Variants in UBE2W observed in about 807,000 individuals in gnomAD.
The protein encoded by UBE2W is ubiquitin conjugating enzyme E2 W.
A neutral mutation model predicts 27.2 loss-of-function variants in UBE2W; 18 were observed. The observed-to-expected ratio is 0.66, with a 90% CI of 0.46 to 0.98. The LOEUF is 0.98. Ranked by LOEUF, UBE2W falls within the 50% of genes least tolerant of loss-of-function variation. The pLI is 0.00. For synonymous variants in UBE2W, 53 were observed against 57.2 expected, an observed-to-expected ratio of 0.93 and a Z score of 0.33; for missense variants, 90 against 180.2, an observed-to-expected ratio of 0.50 and a Z score of 2.87.
chr8:73,841,639 T>C (rs766905960), intron 1 of UBE2W, among the ~76,000 whole-genome samples: 9 of 152,154 alleles, frequency 5.9e-5, no homozygotes, highest in Non-Finnish European at 1.2e-4. Context: ...AGGAAGAATA[T>C]GTTTCAAGGA....
At chr8:73,816,915 T>C (rs1809411725) in intron 3 of UBE2W, among the ~76,000 whole-genome samples, 1 of 151,908 alleles carries the variant, frequency 6.6e-6, no homozygotes, top group Non-Finnish European at 1.5e-5. Context: ...GCGCCTGTAA[T>C]CCCAGCTACT....
chr8:73,872,467 T>G (rs1394587911), intron 1 of UBE2W, among the ~76,000 whole-genome samples: 5 of 152,248 alleles, frequency 3.3e-5, no homozygotes, highest in Non-Finnish European at 2.9e-5. Context: ...GTAATGTTCT[T>G]CATAGTATCT....
In UBE2W at chr8:73,791,943, G is replaced by T; in HGVS notation, c.*2159C>A. ...ATATGACCTATTACTCTATAGTATA[G>T]CATTGTTAATCTTTGACTCAGTATA... On this transcript the variant is annotated 3_prime_UTR_variant, in exon 6 of 6. Coordinates refer to ENST00000602593, the MANE Select transcript of UBE2W (RefSeq NM_018299.6). 2 of 985,072 alleles carry T rather than the reference G, an allele frequency of 2.0e-6. No individual in the cohort carries two copies. The highest frequency in any genetic ancestry group is 9.4e-5 in the South Asian group (2 of 21,288). 61.0% of individuals were successfully genotyped at this position (985,072 alleles called of 1,614,324 possible). A position where few individuals can be genotyped will look rare whatever the true frequency, so the allele number is the denominator to read the frequency against.
intron 1 of UBE2W, among the ~76,000 whole-genome samples, chr8:73,855,179 T>G (rs550760877): frequency 6.6e-6 from 1 of 152,170 alleles, no homozygotes; most frequent in Non-Finnish European, 1.5e-5. Context: ...TTTGCAGTAT[T>G]GCACTAAAAC....
rs1448820993 is a variant in UBE2W, at chr8:73,793,142, C to G, written c.*960G>C. ...ACAAGATTGCAAACAAAAATGTTTA[C>G]GGGGTTTCCAAACATAAATAAATGA... On this transcript the variant is annotated 3_prime_UTR_variant, in exon 6 of 6. Transcript: ENST00000602593. The G allele has an allele frequency of 1.0e-6, 1 of 985,582 alleles. No individual in the cohort carries two copies. The highest frequency in any genetic ancestry group is 4.7e-5 in the South Asian group (1 of 21,292). The allele number at this position is 985,582 out of a possible 1,614,324, so 61.1% of individuals were successfully genotyped here.
rs550028899 is a variant in UBE2W at position 73,794,194 on chromosome 8, A to C, written c.443-79T>G. Reference sequence around the variant, plus strand: ...TTCTACAAGTCTGTTTAATGTAGAAATAATTTCAATTAGCAAGAAGTACAT... The same window carrying C: ...TTCTACAAGTCTGTTTAATGTAGAACTAATTTCAATTAGCAAGAAGTACAT... On this transcript the variant is annotated intron_variant, in intron 5 of 5. Coordinates refer to ENST00000602593, the MANE Select transcript of UBE2W (RefSeq NM_018299.6). 1.1e-5 allele frequency: 16 copies of C among 1,518,270 alleles called. No homozygotes were observed. The South Asian group carries it at 1.7e-4, about 16-fold the overall frequency. 94.0% of individuals were successfully genotyped at this position (1,518,270 alleles called of 1,614,324 possible). A position where few individuals can be genotyped will look rare whatever the true frequency, so the allele number is the denominator to read the frequency against.
intron 1 of UBE2W, among the ~76,000 whole-genome samples, chr8:73,858,325 C>A (rs1364951857): frequency 7.7e-5 from 11 of 142,158 alleles, no homozygotes; most frequent in Non-Finnish European, 1.7e-4. Flanking sequence ...TATGTCATTG[C>A]ACTCCAGCCT....
chr8:73,848,204 GTAAA>G (rs1161054554), intron 1 of UBE2W, among the ~76,000 whole-genome samples: 86 of 151,926 alleles, frequency 5.7e-4, no homozygotes, highest in African/African-American at 1.8e-3. Context: ...AAATAAATAA[GTAAA>G]TAAATAAATA....
downstream of UBE2W, among the ~76,000 whole-genome samples, chr8:73,784,068 C>T (rs984992318): frequency 1.3e-5 from 2 of 152,032 alleles, no homozygotes; most frequent in African/African-American, 4.8e-5. Context: ...GGTTTTTTAC[C>T]ACTCTAATTC....
chr8:73,876,043 C>T (rs2131003395), intron 1 of UBE2W, among the ~76,000 whole-genome samples: 1 of 152,202 alleles, frequency 6.6e-6, no homozygotes, highest in South Asian at 2.1e-4. Context: ...CACAGCGAGA[C>T]TCCATCTCAA....
intron 1 of UBE2W, among the ~76,000 whole-genome samples, chr8:73,833,183 T>TAA (rs1810155009): frequency 2.7e-5 from 1 of 37,578 alleles, no homozygotes; most frequent in Non-Finnish European, 4.5e-5. Flanking sequence ...AGACTCCACC[T>TAA]CAAAAAAAAA....
intron 1 of UBE2W, among the ~76,000 whole-genome samples, chr8:73,845,082 A>C: frequency 7.1e-6 from 1 of 140,850 alleles, no homozygotes; most frequent in Non-Finnish European, 1.5e-5. Flanking sequence ...CAGCTGCACC[A>C]TCTGGGAGGT....
intron 4 of UBE2W, among the ~76,000 whole-genome samples, chr8:73,807,116 G>T (rs1179129472): frequency 2.6e-5 from 4 of 152,186 alleles, no homozygotes; most frequent in Non-Finnish European, 4.4e-5. Flanking sequence ...CTATATTAAA[G>T]TTTATAGATA....
intron 5 of UBE2W, among the ~76,000 whole-genome samples, chr8:73,802,507 T>C (rs1376265524): frequency 6.6e-6 from 1 of 152,244 alleles, no homozygotes; most frequent in Non-Finnish European, 1.5e-5. Flanking sequence ...GAATGTTTAA[T>C]TTCTTTGTGA....
At chr8:73,784,335 T>C (rs1394166064), downstream of UBE2W, among the ~76,000 whole-genome samples, 1 of 152,178 alleles carries the variant, frequency 6.6e-6, no homozygotes, top group Non-Finnish European at 1.5e-5. Context: ...CTGATCATAG[T>C]TCCTTGAGAC....
In UBE2W at chr8:73,790,139, G is replaced by A. The variant is rs892581327; in HGVS notation, c.*3963C>T. The A allele has an allele frequency of 2.0e-6, 2 of 984,634 alleles. No individual in the cohort carries two copies. Among genetic ancestry groups the A allele is most frequent in the Admixed American group, 6.2e-5 (1 of 16,216 alleles). The allele number at this position is 984,634 out of a possible 1,614,324, so 61.0% of individuals were successfully genotyped here. A position where few individuals can be genotyped will look rare whatever the true frequency, so the allele number is the denominator to read the frequency against. ...CATTTTAAATTTTTCAAAAATTCAT[G>A]GCATAATTTTAATAATCGTCCTTCT... On this transcript the variant is annotated 3_prime_UTR_variant, in exon 6 of 6. Transcript: ENST00000602593.
At chr8:73,850,742 A>AC (rs1340673562) in intron 1 of UBE2W, among the ~76,000 whole-genome samples, 1 of 150,920 alleles carries the variant, frequency 6.6e-6, no homozygotes, top group Non-Finnish European at 1.5e-5. Flanking sequence ...AAAAAAAAAA[A>AC]AAAAAAAACA....
intron 5 of UBE2W, among the ~76,000 whole-genome samples, chr8:73,794,365 A>C (rs1377345893): frequency 6.6e-6 from 1 of 152,230 alleles, no homozygotes; most frequent in Non-Finnish European, 1.5e-5. Flanking sequence ...TTCTATTTAA[A>C]ATAATAAACT....
rs1808188526 is a variant in UBE2W, at chr8:73,791,399, A to AT, written c.*2702_*2703insA. The stretch of plus-strand genomic sequence containing the variant: ...TAAAAATAAATAAATAAATAAATAA[A>AT]AGAAGAAGAGTGTACCTTATCTTCT... On this transcript the variant is annotated 3_prime_UTR_variant, in exon 6 of 6. Coordinates refer to ENST00000602593, the MANE Select transcript of UBE2W (RefSeq NM_018299.6). 1 of 984,032 alleles carries AT rather than the reference A, an allele frequency of 1.0e-6. No homozygotes were observed. Among genetic ancestry groups the AT allele is most frequent in the Non-Finnish European group, 1.2e-6 (1 of 828,748 alleles). 61.0% of individuals were successfully genotyped at this position (984,032 alleles called of 1,614,324 possible).
Sources: allele counts gnomAD v4.1 joint callset (sites outside exome capture counted in the v4.1 genomes callset), GRCh38; gene constraint gnomAD v4.1.1; transcripts MANE v1.5; gene names NCBI Gene and HGNC (gene_info 2026-07-23, HGNC 2026-07-21).